The following WDR17 variants were observed in gnomAD, a reference collection of about 807,000 sequenced individuals.
The protein encoded by WDR17 is WD repeat-containing protein 17.
In WDR17, 143 loss-of-function variants were observed where a neutral mutation model predicts 161.7. That is an observed-to-expected ratio of 0.88 (90% CI 0.77 to 1.02). WDR17 has a LOEUF of 1.02. Ranked by LOEUF, WDR17 falls within the 50% of genes least tolerant of loss-of-function variation. The pLI is 0.00. For synonymous variants in WDR17, 517 were observed against 515.6 expected, an observed-to-expected ratio of 1.00 and a Z score of -0.04; for missense variants, 1,469 against 1,520.9, an observed-to-expected ratio of 0.97 and a Z score of 0.57.
At chr4:176,161,549 C>A (rs1187485309) in intron 20 of WDR17, among the ~76,000 whole-genome samples, 1 of 151,918 alleles carries the variant, frequency 6.6e-6, no homozygotes, top group Non-Finnish European at 1.5e-5. Flanking sequence ...CTATTTGCTC[C>A]TATTATTAAG....
chr4:176,149,758 A>G, intron 13 of WDR17, 49 bp from the exon 14 acceptor site: 1 of 1,594,912 alleles, frequency 6.3e-7, no homozygotes, highest in East Asian at 2.2e-5. Context: ...TAAATAAAAA[A>G]TATTTTTCAA....
intron 2 of WDR17, among the ~76,000 whole-genome samples, chr4:176,112,204 A>G (rs946885942): frequency 2.0e-5 from 3 of 152,162 alleles, no homozygotes; most frequent in African/African-American, 7.2e-5. Context: ...CCATGCATCT[A>G]AACCAGAAAT....
At chr4:176,166,719 A>G (rs1203354417) in intron 22 of WDR17, among the ~76,000 whole-genome samples, 1 of 152,152 alleles carries the variant, frequency 6.6e-6, no homozygotes, top group Non-Finnish European at 1.5e-5. Context: ...CATGGACGTT[A>G]TTTAAAACTA....
intron 7 of WDR17, among the ~76,000 whole-genome samples, chr4:176,132,202 T>C (rs567720237): frequency 6.6e-6 from 1 of 152,116 alleles, no homozygotes; most frequent in Non-Finnish European, 1.5e-5. Flanking sequence ...TAAGCCCCTA[T>C]ATAAGATAGA....
chr4:176,140,012 T>G (rs752867110), intron 10 of WDR17, 38 bp downstream of exon 10: 1 of 1,507,640 alleles, frequency 6.6e-7, no homozygotes, highest in Admixed American at 1.8e-5. Flanking sequence ...GAAATTACAC[T>G]GTTTATAAAG....
intron 1 of WDR17, among the ~76,000 whole-genome samples, chr4:176,073,071 G>T (rs1193759833): frequency 6.6e-6 from 1 of 151,824 alleles, no homozygotes; most frequent in African/African-American, 2.4e-5. Context: ...CACCTATGAG[G>T]ACTTCCTGTG....
chr4:176,143,814 A>G (rs1413663167), intron 11 of WDR17, among the ~76,000 whole-genome samples: 2 of 151,936 alleles, frequency 1.3e-5, no homozygotes, highest in African/African-American at 2.4e-5. Flanking sequence ...ACCCTTTATC[A>G]TCACCTCCTC....
At chr4:176,099,222 G>A (rs149539540) in intron 1 of WDR17, among the ~76,000 whole-genome samples, 28 of 152,190 alleles carry the variant, frequency 1.8e-4, no homozygotes, top group Non-Finnish European at 2.9e-5. Context: ...GAGAAGTAAG[G>A]GCACAAGGCA....
intron 1 of WDR17, among the ~76,000 whole-genome samples, chr4:176,085,961 A>G (rs769412452): frequency 1.4e-4 from 22 of 152,026 alleles, no homozygotes; most frequent in Non-Finnish European, 2.9e-4. Context: ...CCACTCAAGC[A>G]TTAATCTAGC....
intron 1 of WDR17, among the ~76,000 whole-genome samples, chr4:176,110,410 G>A (rs1739511648): frequency 2.0e-5 from 3 of 152,192 alleles, no homozygotes; most frequent in Admixed American, 2.0e-4. Flanking sequence ...ACAGGCGTGA[G>A]CCACCGCGCC....
chr4:176,128,613 G>T (rs1395351998), intron 5 of WDR17, 125 bp from the exon 6 acceptor site: 3 of 920,982 alleles, frequency 3.3e-6, no homozygotes, highest in Non-Finnish European at 4.9e-6. Flanking sequence ...TGGTATTGTT[G>T]TTAAAAGGAT....
At chr4:176,144,951 A>G (rs886372668) in intron 11 of WDR17, among the ~76,000 whole-genome samples, 1 of 152,126 alleles carries the variant, frequency 6.6e-6, no homozygotes, top group African/African-American at 2.4e-5. Flanking sequence ...AAATGTAGAA[A>G]CTGTCTTGTT....
Position 176,161,613 on chromosome 4 carries a change from A to G in WDR17, c.2751-462A>G, listed in dbSNP as rs78719110. ...GACACTCATCAAGTAGAAGAGGATC[A>G]TGAAATGTTAAGCAAATAATGTGTT... is the stretch of plus-strand genomic sequence containing the variant. On this transcript the variant is annotated intron_variant, in intron 20 of 28. Coordinates refer to ENST00000508596, the MANE Select transcript of WDR17 (RefSeq NM_181265.4). Among the ~76,000 whole-genome samples the G allele has an allele frequency of 2.1e-3, 319 of 152,314 alleles. 3 individuals are homozygous for G. Among genetic ancestry groups the G allele is most frequent in the African/African-American group, 7.2e-3 (301 of 41,576 alleles).
At chr4:176,135,378 A>C in intron 8 of WDR17, 102 bp downstream of exon 8, 1 of 1,350,086 alleles carries the variant, frequency 7.4e-7, no homozygotes, top group Non-Finnish European at 1.0e-6. Context: ...TCTTGTTCTA[A>C]ATGAATGTAG....
intron 1 of WDR17, among the ~76,000 whole-genome samples, chr4:176,066,882 G>A (rs1479405739): frequency 1.3e-5 from 2 of 152,034 alleles, no homozygotes; most frequent in East Asian, 3.9e-4. Context: ...AAAAGGATAC[G>A]AAACGGCCAA....
At position 176,131,587 on chromosome 4, in the gene WDR17, C is replaced by G. The variant is rs548704530; in HGVS notation, c.947C>G (p.Thr316Arg). Residue 316 changes from threonine (T) to arginine (R), a missense_variant, in exon 7 of 29, where the codon ACA becomes AGA. Coordinates refer to ENST00000508596, the MANE Select transcript of WDR17 (RefSeq NM_181265.4). ...SVQSPTKNHY[T>R]SSTSEAVPPP... is the part of the protein sequence containing the mutation. ...CAATCTCCAACCAAAAATCATTATA[C>G]ATCCTCAACAAGCGAAGCAGTTCCA... 103 of 1,609,406 alleles carry G rather than the reference C, an allele frequency of 6.4e-5. No individual in the cohort carries two copies. The highest frequency in any genetic ancestry group is 8.7e-5 in the Non-Finnish European group (102 of 1,177,914).
chr4:176,170,507 G>A (rs1199751421), intron 23 of WDR17, among the ~76,000 whole-genome samples: 1 of 151,788 alleles, frequency 6.6e-6, no homozygotes, highest in African/African-American at 2.4e-5. Context: ...TAGAGACAGG[G>A]TTTCACCATG....
rs781583255 is a variant in WDR17, at chr4:176,137,601, G to A, written c.1349G>A (p.Arg450Gln). 4 of 1,587,284 alleles carry A rather than the reference G, an allele frequency of 2.5e-6. No individual in the cohort carries two copies. The African/African-American group carries it at 4.0e-5, about 16-fold the overall frequency. ...WNVQKGKIIQ[R>Q]FNEHGTNGIF... ...GTTCAAAAGGGCAAAATTATACAAC[G>A]ATTTAATGAGGTAAGATTTATTTAT... Residue 450 changes from arginine (R) to glutamine (Q), a missense_variant, in exon 9 of 29, where the codon CGA becomes CAA. Coordinates refer to ENST00000508596, the MANE Select transcript of WDR17 (RefSeq NM_181265.4).
chr4:176,068,824 G>A (rs868328666), intron 1 of WDR17, among the ~76,000 whole-genome samples: 18 of 152,116 alleles, frequency 1.2e-4, no homozygotes, highest in African/African-American at 3.6e-4. Flanking sequence ...AATTAGATAC[G>A]GATACCTGAA....
Sources: allele counts gnomAD v4.1 joint callset (sites outside exome capture counted in the v4.1 genomes callset), GRCh38; gene constraint gnomAD v4.1.1; transcripts MANE v1.5; gene names NCBI Gene and HGNC (gene_info 2026-07-23, HGNC 2026-07-21).